The following UBAP2L variants were observed in gnomAD, a reference collection of about 807,000 sequenced individuals.
UBAP2L encodes the protein ubiquitin associated protein 2 like, also known as ubiquitin-associated protein 2-like.
Under a neutral mutation model 130.6 loss-of-function variants are expected in UBAP2L, and 12 were observed. That is an observed-to-expected ratio of 0.09 (90% CI 0.06 to 0.15). UBAP2L has a LOEUF of 0.15. UBAP2L is among the 10% of genes least tolerant of loss of function. The pLI, the probability that UBAP2L is intolerant of heterozygous loss-of-function variation, is 1.00. For synonymous variants in UBAP2L, 503 were observed against 524.7 expected (o/e 0.96, Z 0.57); for missense variants, 965 against 1,332.5 (o/e 0.72, Z 4.29).
At position 154,246,201 on chromosome 1, in the gene UBAP2L, T is replaced by C. The variant is rs372526785; in HGVS notation, c.843-3T>C. On this transcript the variant is annotated splice_region_variant and splice_polypyrimidine_tract_variant and intron_variant, in intron 10 of 26. Transcript: ENST00000428931. Reference sequence around the variant, plus strand: ...CATGAAGATCCCTTCCCTTCCCCATTAGAATTGACCTTGCTGTTCTGCTGG... The same window carrying C: ...CATGAAGATCCCTTCCCTTCCCCATCAGAATTGACCTTGCTGTTCTGCTGG... 203 of 1,601,556 alleles carry C rather than the reference T, an allele frequency of 1.3e-4. No individual in the cohort carries two copies. In the Admixed American group the frequency reaches 1.5e-3, roughly 12 times the overall value.
chr1:154,253,623 C>G (rs560952297), intron 14 of UBAP2L, among the ~76,000 whole-genome samples: 5 of 150,804 alleles, frequency 3.3e-5, no homozygotes, highest in Admixed American at 3.3e-4. Flanking sequence ...CCGCCCGCCT[C>G]GACCTTCCAA....
intron 9 of UBAP2L, 81 bp downstream of exon 9, chr1:154,241,646 C>T (rs1168376084): frequency 2.5e-6 from 4 of 1,584,348 alleles, no homozygotes; most frequent in Admixed American, 3.6e-5. Flanking sequence ...TATGTTTCTA[C>T]CCCTCAAAAT....
At chr1:154,255,409 C>T in intron 17 of UBAP2L, 83 bp downstream of exon 17, 2 of 1,524,770 alleles carry the variant, frequency 1.3e-6, no homozygotes, top group South Asian at 1.2e-5. Context: ...CTTGACCTGG[C>T]AGAGACCACA....
At chr1:154,225,314 G>T (rs1429303993) in intron 2 of UBAP2L, 101 bp downstream of exon 2, 1 of 1,358,930 alleles carries the variant, frequency 7.4e-7, no homozygotes, top group Non-Finnish European at 1.0e-6. Context: ...GTTGGTTTAG[G>T]TTCCTTATTT....
At chr1:154,225,270 CCATGCAGTACAG>C in intron 2 of UBAP2L, 57 bp downstream of exon 2, 1 of 1,559,218 alleles carries the variant, frequency 6.4e-7, no homozygotes, top group Non-Finnish European at 8.8e-7. Flanking sequence ...ATACTGGTTT[CCATGCAGTACAG>C]CATCATTCTG....
In UBAP2L at chr1:154,253,861, A is replaced by G. The variant is rs142893422; in HGVS notation, c.1665-39A>G. On this transcript the variant is annotated intron_variant, in intron 14 of 26. Transcript: ENST00000428931. ...TCCTTAGTATGAGTAGATATGCTCT[A>G]TTTTGTTTCTCTGAGATTTTTCTCT... The G allele has an allele frequency of 5.3e-5, 85 of 1,604,122 alleles. 1 individual carries two copies. The East Asian group carries it at 1.1e-3, about 21-fold the overall frequency.
intron 2 of UBAP2L, 122 bp from the exon 3 acceptor site, chr1:154,227,159 TA>T: frequency 1.3e-6 from 1 of 792,614 alleles, no homozygotes. Context: ...AATGGTGCTT[TA>T]TTACTTGCTC....
In UBAP2L at chr1:154,251,626, C is replaced by T; in HGVS notation, c.1637C>T (p.Pro546Leu). 1 of 1,614,062 alleles carries T rather than the reference C, an allele frequency of 6.2e-7. No individual in the cohort carries two copies. The highest frequency in any genetic ancestry group is 8.5e-7 in the Non-Finnish European group (1 of 1,180,020). Residue 546 changes from proline (P) to leucine (L), a missense_variant, in exon 14 of 27, where the codon CCA becomes CTA. Pro to Leu is a moderately conservative substitution (Grantham distance 98, BLOSUM62 -3). Coordinates refer to ENST00000428931, the MANE Select transcript of UBAP2L (RefSeq NM_014847.4). ...PTTSASSSQA[P>L]SSLYTSTASE... Reference sequence around the variant, plus strand: ...ACGAGCGCCTCTTCAAGCCAGGCTCCAAGTAGCCTGTATACCAGCACGGCC... The same window carrying T: ...ACGAGCGCCTCTTCAAGCCAGGCTCTAAGTAGCCTGTATACCAGCACGGCC...
chr1:154,235,287 C>G lies in UBAP2L; in HGVS notation c.540C>G (p.Gly180=), dbSNP rs148736933. 9.0e-5 allele frequency: 69 copies of G among 766,448 alleles called. No individual in the cohort carries two copies. In the Middle Eastern group the frequency reaches 9.1e-4, roughly 10 times the overall value. The allele number at this position is 766,448 out of a possible 1,614,324, so 47.5% of individuals were successfully genotyped here. A position where few individuals can be genotyped will look rare whatever the true frequency, so the allele number is the denominator to read the frequency against. ...TERGRRGRGR[G]RGGSGRRGGR... is the part of the protein sequence containing the mutation. ...GAGGCAGAAGGGGCCGTGGCCGAGG[C>G]AGAGGTGATCAGTTTGTTGGGGGAT... The change falls in exon 6 of 27, where the codon GGC becomes GGG. Residue 180 remains glycine, a synonymous_variant. Coordinates refer to ENST00000428931, the MANE Select transcript of UBAP2L (RefSeq NM_014847.4).
At position 154,261,702 on chromosome 1, in the gene UBAP2L, G is replaced by T; in HGVS notation, c.2902+5G>T. The T allele has an allele frequency of 6.2e-7, 1 of 1,613,840 alleles. No individual in the cohort carries two copies. Among genetic ancestry groups the T allele is most frequent in the Non-Finnish European group, 8.5e-7 (1 of 1,179,790 alleles). On this transcript the variant is annotated splice_donor_5th_base_variant and intron_variant, in intron 24 of 26. Coordinates refer to ENST00000428931, the MANE Select transcript of UBAP2L (RefSeq NM_014847.4). ...GGTCTCATGGATACAACACTGGTAA[G>T]CTGACCTTGTCTCTGGCTCGGTGTT...
chr1:154,254,107 C>A lies in UBAP2L; in HGVS notation c.1854+18C>A, dbSNP rs772736234. ...AGGCAAAGGTAGTGGCTTCATGAACCCTTGGGAATTGGTTAGGAGAATAGT... is the reference window on the plus strand; with the variant it reads ...AGGCAAAGGTAGTGGCTTCATGAACACTTGGGAATTGGTTAGGAGAATAGT... On this transcript the variant is annotated intron_variant, in intron 15 of 26. Transcript: ENST00000428931. The A allele has an allele frequency of 1.8e-5, 27 of 1,503,742 alleles. No individual in the cohort carries two copies. Among genetic ancestry groups the A allele is most frequent in the African/African-American group, 2.9e-5 (2 of 69,662 alleles). The allele number at this position is 1,503,742 out of a possible 1,614,324, so 93.1% of individuals were successfully genotyped here. A position where few individuals can be genotyped will look rare whatever the true frequency, so the allele number is the denominator to read the frequency against.
intron 24 of UBAP2L, 124 bp downstream of exon 24, chr1:154,261,821 T>G: frequency 1.1e-6 from 1 of 903,522 alleles, no homozygotes; most frequent in Non-Finnish European, 1.7e-6. Context: ...CCAGGTATGA[T>G]TGTTAATGCT....
At chr1:154,268,053 G>A (rs1401361898) in intron 25 of UBAP2L, among the ~76,000 whole-genome samples, 1 of 149,306 alleles carries the variant, frequency 6.7e-6, no homozygotes, top group Non-Finnish European at 1.5e-5. Context: ...CCATGCCCGG[G>A]TAATTTTGTG....
At position 154,270,764 on chromosome 1, in the gene UBAP2L, TTTTTTG is replaced by T. The variant is rs1684579581; in HGVS notation, c.*475_*480del. 1,990 of 1,196,598 alleles carry T rather than the reference TTTTTTG, an allele frequency of 1.7e-3. No individual in the cohort carries two copies. The highest frequency in any genetic ancestry group is 1.9e-3 in the Non-Finnish European group (1,827 of 939,498). 74.1% of individuals were successfully genotyped at this position (1,196,598 alleles called of 1,614,324 possible). On this transcript the variant is annotated 3_prime_UTR_variant, in exon 27 of 27. Coordinates refer to ENST00000428931, the MANE Select transcript of UBAP2L (RefSeq NM_014847.4). ...CAGATGAATTAGTTGAAGTGGTTTTTTTTTTGTTTTTTTTTTTTTTTTGTACTGTGT... is the reference window on the plus strand; with the variant it reads ...CAGATGAATTAGTTGAAGTGGTTTTTTTTTTTTTTTTTTTTTGTACTGTGT...
In UBAP2L at chr1:154,262,963, AT is replaced by A. The variant is rs1682063873; in HGVS notation, c.2902+1268del. On this transcript the variant is annotated intron_variant, in intron 24 of 26. Coordinates refer to ENST00000428931, the MANE Select transcript of UBAP2L (RefSeq NM_014847.4). ...TAATATAAGAGAATTGGCATACCTG[AT>A]TCTAGAAATCCCACCTTCTTGCCTC... The A allele has an allele frequency of 3.8e-6, 3 of 787,038 alleles. No homozygotes were observed. In the Admixed American group the frequency reaches 9.9e-5, roughly 26 times the overall value. The allele number at this position is 787,038 out of a possible 1,614,324, so 48.8% of individuals were successfully genotyped here.
intron 24 of UBAP2L, 90 bp from the exon 25 acceptor site, chr1:154,266,411 C>A: frequency 7.3e-7 from 1 of 1,376,492 alleles, no homozygotes; most frequent in East Asian, 2.3e-5. Flanking sequence ...ATTGGTATAG[C>A]TAGAAAGGCT....
intron 11 of UBAP2L, 60 bp downstream of exon 11, chr1:154,246,435 A>G (rs1675499891): frequency 1.3e-6 from 2 of 1,535,988 alleles, no homozygotes; most frequent in African/African-American, 1.4e-5. Context: ...GCACACATAC[A>G]CAGTTCCTTC....
At chr1:154,226,688 TA>T (rs148232024) in intron 2 of UBAP2L, among the ~76,000 whole-genome samples, 3,495 of 152,338 alleles carry the variant, frequency 0.023, 153 homozygotes, top group African/African-American at 0.079. Context: ...TGTGACTTAA[TA>T]TGAATTAAGG....
chr1:154,270,164 CT>C, intron 26 of UBAP2L, 35 bp from the exon 27 acceptor site: 4 of 1,547,206 alleles, frequency 2.6e-6, no homozygotes, highest in South Asian at 1.3e-5. Context: ...AACTAGACAC[CT>C]TTTTCCTCCT....
Sources: allele counts gnomAD v4.1 joint callset (sites outside exome capture counted in the v4.1 genomes callset), GRCh38; gene constraint gnomAD v4.1.1; transcripts MANE v1.5; gene names NCBI Gene and HGNC (gene_info 2026-07-23, HGNC 2026-07-21).